Variants in TSNARE1 observed in about 807,000 individuals in gnomAD.
TSNARE1 encodes the protein t-SNARE domain containing 1, also known as t-SNARE domain-containing protein 1.
A neutral mutation model predicts 62.0 loss-of-function variants in TSNARE1; 49 were observed. That is an observed-to-expected ratio of 0.79 (90% CI 0.63 to 1.00). TSNARE1 has a LOEUF of 1.00. Among genes scored for constraint, TSNARE1 ranks in the 50% least tolerant of loss-of-function variants. The pLI, the probability that TSNARE1 is intolerant of heterozygous loss-of-function variation, is 0.00. For synonymous variants in TSNARE1, 328 were observed against 294.4 expected (o/e 1.11, Z -1.17); for missense variants, 755 against 700.1 (o/e 1.08, Z -0.88).
At chr8:142,266,143 C>A (rs1167344366) in intron 12 of TSNARE1, among the ~76,000 whole-genome samples, 1 of 152,200 alleles carries the variant, frequency 6.6e-6, no homozygotes, top group African/African-American at 2.4e-5. Flanking sequence ...AACTCCCCTG[C>A]AAATACAAGG....
intron 9 of TSNARE1, among the ~76,000 whole-genome samples, chr8:142,308,348 G>A (rs543957584): frequency 6.6e-6 from 1 of 152,170 alleles, no homozygotes; most frequent in Non-Finnish European, 1.5e-5. Context: ...TTTCGCACGT[G>A]GGTCTGTAGT....
chr8:142,278,948 G>C (rs188772369), intron 11 of TSNARE1: 55 of 277,854 alleles, frequency 2.0e-4, no homozygotes, highest in Middle Eastern at 3.5e-3. Context: ...TGAATGGACA[G>C]GTCACCTGCT....
rs368600884 is a variant in TSNARE1 at position 142,218,022 on chromosome 8, G to A, written c.*12-5709C>T. On this transcript the variant is annotated intron_variant, in intron 13 of 13. Coordinates refer to ENST00000524325, the MANE Select transcript of TSNARE1 (RefSeq NM_145003.5). Reference sequence around the variant, plus strand: ...GGATCAGGGCTCAGTGTGTGGCCAGGATCAGGGCCCAGTATGTGACCAGGA... The same window carrying A: ...GGATCAGGGCTCAGTGTGTGGCCAGAATCAGGGCCCAGTATGTGACCAGGA... Among the ~76,000 whole-genome samples, 15 of 61,244 alleles carry A rather than the reference G, an allele frequency of 2.4e-4. 1 individual carries two copies. The highest frequency in any genetic ancestry group is 5.0e-4 in the African/African-American group (6 of 12,044). The allele number at this position is 61,244 out of a possible 152,430, so 40.2% of individuals were successfully genotyped here. A position where few individuals can be genotyped will look rare whatever the true frequency, so the allele number is the denominator to read the frequency against.
chr8:142,375,603 G>A (rs1336789194), intron 1 of TSNARE1, among the ~76,000 whole-genome samples: 6 of 152,236 alleles, frequency 3.9e-5, no homozygotes, highest in Non-Finnish European at 8.8e-5. Context: ...GGTGAAGTCC[G>A]CCATCCAGCT....
At chr8:142,212,556 T>G (rs905087081) in intron 13 of TSNARE1, among the ~76,000 whole-genome samples, 17 of 151,918 alleles carry the variant, frequency 1.1e-4, no homozygotes, top group African/African-American at 2.7e-4. Context: ...CACCATCCCC[T>G]GCCCTGCACT....
intron 1 of TSNARE1, among the ~76,000 whole-genome samples, chr8:142,401,847 G>A (rs1421196535): frequency 6.6e-6 from 1 of 152,190 alleles, no homozygotes; most frequent in Non-Finnish European, 1.5e-5. Context: ...GCGGTCCTGT[G>A]ATGTATGGGG....
At chr8:142,399,114 G>A (rs980487138) in intron 1 of TSNARE1, among the ~76,000 whole-genome samples, 1 of 152,220 alleles carries the variant, frequency 6.6e-6, no homozygotes, top group Admixed American at 6.5e-5. Context: ...CCGCCCATAA[G>A]GCATCTTCAG....
chr8:142,389,607 T>G (rs1415143280), intron 1 of TSNARE1, among the ~76,000 whole-genome samples: 2 of 152,150 alleles, frequency 1.3e-5, no homozygotes, highest in Non-Finnish European at 2.9e-5. Context: ...TCTGAGCATA[T>G]CCACACCATG....
chr8:142,240,982 A>G (rs540359395), intron 12 of TSNARE1, among the ~76,000 whole-genome samples: 7 of 152,350 alleles, frequency 4.6e-5, no homozygotes, highest in African/African-American at 1.7e-4. Flanking sequence ...GGCTATCATC[A>G]CTTCTACTCA....
chr8:142,398,339 C>T (rs1838048339), intron 1 of TSNARE1, among the ~76,000 whole-genome samples: 2 of 150,902 alleles, frequency 1.3e-5, no homozygotes, highest in African/African-American at 2.4e-5. Context: ...CAAAACACAC[C>T]CCTAGCCCTG....
chr8:142,325,661 G>A (rs1278990976), intron 6 of TSNARE1, among the ~76,000 whole-genome samples: 1 of 152,132 alleles, frequency 6.6e-6, no homozygotes, highest in East Asian at 1.9e-4. Flanking sequence ...GTTAGCAGGA[G>A]AGAAGGTGGC....
intron 1 of TSNARE1, among the ~76,000 whole-genome samples, chr8:142,359,932 C>G (rs1835028780): frequency 6.6e-6 from 1 of 152,178 alleles, no homozygotes; most frequent in African/African-American, 2.4e-5. Context: ...GGGTCAGCAC[C>G]CAGGCATGCT....
intron 12 of TSNARE1, among the ~76,000 whole-genome samples, chr8:142,236,958 C>A (rs531986608): frequency 1.1e-3 from 174 of 152,296 alleles, no homozygotes; most frequent in African/African-American, 4.1e-3. Context: ...GGCGTCACTG[C>A]CAAGGTGACT....
intron 12 of TSNARE1, among the ~76,000 whole-genome samples, chr8:142,255,881 TCAC>T (rs1213032917): frequency 0.033 from 372 of 11,420 alleles, 11 homozygotes; most frequent in Middle Eastern, 0.062. Context: ...ATCATCACCA[TCAC>T]CACCACCACC....
chr8:142,329,843 A>G (rs1830756234), intron 6 of TSNARE1, among the ~76,000 whole-genome samples: 2 of 152,338 alleles, frequency 1.3e-5, no homozygotes, highest in African/African-American at 2.4e-5. Context: ...AAGAGCTTAA[A>G]AAAAAAGGCT....
At chr8:142,266,782 A>G (rs1819155946) in intron 12 of TSNARE1, among the ~76,000 whole-genome samples, 1 of 152,006 alleles carries the variant, frequency 6.6e-6, no homozygotes, top group South Asian at 2.1e-4. Flanking sequence ...CCTCCATTTC[A>G]CTGATCCTCC....
upstream of TSNARE1, chr8:142,406,518 C>G (rs1446763655): frequency 1.3e-5 from 2 of 152,286 alleles, no homozygotes; most frequent in Non-Finnish European, 2.9e-5. Context: ...GCCACACTCT[C>G]AGGTGCCTGT....
At chr8:142,350,338 G>A (rs1273321666) in intron 2 of TSNARE1, among the ~76,000 whole-genome samples, 1 of 152,236 alleles carries the variant, frequency 6.6e-6, no homozygotes, top group African/African-American at 2.4e-5. Flanking sequence ...TTTCATTTCA[G>A]TAAGTTGAAC....
intron 11 of TSNARE1, chr8:142,277,759 G>T: frequency 1.0e-6 from 1 of 985,406 alleles, no homozygotes; most frequent in Non-Finnish European, 1.2e-6. Flanking sequence ...TGATCCACCA[G>T]GGGTCACAGA....
Sources: allele counts gnomAD v4.1 joint callset (sites outside exome capture counted in the v4.1 genomes callset), GRCh38; gene constraint gnomAD v4.1.1; transcripts MANE v1.5; gene names NCBI Gene and HGNC (gene_info 2026-07-23, HGNC 2026-07-21).